The following CD22 variants were observed in gnomAD, a reference collection of about 807,000 sequenced individuals.
CD22 encodes the protein CD22 molecule, also known as B-cell receptor CD22.
Under a neutral mutation model 94.7 loss-of-function variants are expected in CD22, and 51 were observed. The observed-to-expected ratio is 0.54, with a 90% CI of 0.43 to 0.68. CD22 has a LOEUF of 0.68. Ranked by LOEUF, CD22 falls within the 30% of genes least tolerant of loss-of-function variation. CD22 has a pLI of 0.00. For missense variants in CD22, 931 were observed against 1,060.4 expected (o/e 0.88, Z 1.69); for synonymous variants, 424 against 422.5 (o/e 1.00, Z -0.04).
chr19:35,340,614 C>T (rs999546361), intron 6 of CD22, among the ~76,000 whole-genome samples: 8 of 152,204 alleles, frequency 5.3e-5, no homozygotes, highest in African/African-American at 1.9e-4. Context: ...TAAACTGAGA[C>T]CTGCAGCCCA....
chr19:35,340,917 C>T lies in CD22; in HGVS notation c.1286C>T (p.Pro429Leu), dbSNP rs144871077. The change falls in exon 7 of 14, where the codon CCC (proline) becomes CTC (leucine). Residue 429 changes from proline (P) to leucine (L), a missense_variant. Physicochemically the swap from Pro to Leu is moderately conservative, Grantham distance 98. Transcript: ENST00000085219. Reference protein sequence around the residue: ...PKKVTTVIQNPMPIREGDTVT... With the variant: ...PKKVTTVIQNLMPIREGDTVT... ...AAGGTGACCACAGTGATTCAAAACC[C>T]CATGCCGATTCGAGAAGGAGACACA... is the stretch of plus-strand genomic sequence containing the variant. The T allele has an allele frequency of 2.5e-6, 4 of 1,614,166 alleles. No homozygotes were observed. The highest frequency in any genetic ancestry group is 3.4e-6 in the Non-Finnish European group (4 of 1,180,034).
rs143539395 is a variant in CD22, at chr19:35,341,566, A to T, written c.1731A>T (p.Ile577=). ...GSYSCWVNNS[I]GQTASKAWTL... ...ACAGCTGCTGGGTGAACAACTCCAT[A>T]GGACAGACAGCGTCCAAGGCCTGGA... Residue 577 remains isoleucine (I), a synonymous_variant, in exon 8 of 14, where the codon ATA becomes ATT. Coordinates refer to ENST00000085219, the MANE Select transcript of CD22 (RefSeq NM_001771.4). This position sits in a 1 kb window ranked among gnomAD's most constrained non-coding sequence, Gnocchi z 4.0. 6.2e-7 allele frequency: 1 copy of T among 1,613,788 alleles called. No homozygotes were observed. The highest frequency in any genetic ancestry group is 1.3e-5 in the African/African-American group (1 of 75,048).
At position 35,341,343 on chromosome 19, in the gene CD22, A is replaced by T. The variant is rs1200473117; in HGVS notation, c.1508A>T (p.Tyr503Phe). The T allele has an allele frequency of 1.2e-6, 2 of 1,612,736 alleles. No individual in the cohort carries two copies. Among genetic ancestry groups the T allele is most frequent in the Non-Finnish European group, 1.7e-6 (2 of 1,179,190 alleles). The change falls in exon 8 of 14, where the codon TAT (tyrosine) becomes TTT (phenylalanine). Residue 503 changes from tyrosine (Y) to phenylalanine (F), a missense_variant and splice_region_variant. Transcript: ENST00000085219. The surrounding 1 kb of genome is among the most constrained non-coding windows in gnomAD (Gnocchi z 4.0). The stretch of plus-strand genomic sequence containing the variant: ...TCAGCTTGGGACCCTTGCCCTCCAG[A>T]TGCCCCCCGAGACGTGAGGGTCCGG... ...WASPVALNVQYAPRDVRVRKI... is the reference protein window; with the variant it reads ...WASPVALNVQFAPRDVRVRKI...
Position 35,332,911 on chromosome 19 carries a change from C to T in CD22, c.399C>T (p.His133=). Residue 133 remains histidine (H), a synonymous_variant, in exon 3 of 14, where the codon CAC becomes CAT. Coordinates refer to ENST00000085219, the MANE Select transcript of CD22 (RefSeq NM_001771.4). ...CTGAGAAATGGATGGAACGAATACA[C>T]CTCAATGTCTCTGGTAAGGCCTTCG... ...SKTEKWMERI[H]LNVSERPFPP... is the part of the protein sequence containing the mutation. 6.2e-7 allele frequency: 1 copy of T among 1,613,382 alleles called. No individual in the cohort carries two copies. The highest frequency in any genetic ancestry group is 8.5e-7 in the Non-Finnish European group (1 of 1,179,388).
intron 9 of CD22, among the ~76,000 whole-genome samples, chr19:35,344,051 C>A (rs946101408): frequency 6.6e-6 from 1 of 152,196 alleles, no homozygotes; most frequent in Non-Finnish European, 1.5e-5. Flanking sequence ...CAAAAATTAG[C>A]TGGGTGTGGT....
At chr19:35,331,990 G>T in intron 1 of CD22, 29 bp from the exon 2 acceptor site, 1 of 1,613,600 alleles carries the variant, frequency 6.2e-7, no homozygotes, top group Non-Finnish European at 8.5e-7. Flanking sequence ...GCGGCCAGAT[G>T]GCTCAAAGAC....
At position 35,341,673 on chromosome 19, in the gene CD22, C is replaced by T. The variant is rs527874832; in HGVS notation, c.1772-29C>T. ...CCAGTGGCCTGCCTGGTAGTGACTT[C>T]GCACCCCCTCCCCCTGCCCGCCATG... On this transcript the variant is annotated intron_variant, in intron 8 of 13. Coordinates refer to ENST00000085219, the MANE Select transcript of CD22 (RefSeq NM_001771.4). This position sits in a 1 kb window ranked among gnomAD's most constrained non-coding sequence, Gnocchi z 4.0. The T allele has an allele frequency of 2.8e-5, 45 of 1,605,722 alleles. No individual in the cohort carries two copies. The highest frequency in any genetic ancestry group is 2.3e-4 in the African/African-American group (17 of 74,904).
Position 35,332,261 on chromosome 19 carries a change from T to C in CD22, c.34+187T>C, listed in dbSNP as rs73601135. ...ATACACTTCTCTCATTGCATCCTGC[T>C]GTCTTTGTGTATCTCTGTATTTCTC... On this transcript the variant is annotated intron_variant, in intron 2 of 13. Coordinates refer to ENST00000085219, the MANE Select transcript of CD22 (RefSeq NM_001771.4). 3,659 of 658,962 alleles carry C rather than the reference T, an allele frequency of 5.6e-3. 85 individuals carry two copies. In the African/African-American group the frequency reaches 0.059, roughly 11 times the overall value. The allele number at this position is 658,962 out of a possible 1,614,324, so 40.8% of individuals were successfully genotyped here.
At chr19:35,344,519 C>G (rs1373515827) in intron 9 of CD22, among the ~76,000 whole-genome samples, 1 of 152,252 alleles carries the variant, frequency 6.6e-6, no homozygotes, top group Non-Finnish European at 1.5e-5. Context: ...GACAGGTGCA[C>G]TTTCAGAGCT....
chr19:35,344,988 T>C (rs1253927909), intron 10 of CD22, 63 bp downstream of exon 10: 1 of 1,600,184 alleles, frequency 6.2e-7, no homozygotes, highest in Admixed American at 1.7e-5. Context: ...GTCCAGTTGC[T>C]CCATCTCGAA....
chr19:35,338,574 A>C, intron 6 of CD22, 143 bp downstream of exon 6: 1 of 785,894 alleles, frequency 1.3e-6, no homozygotes, highest in Non-Finnish European at 2.0e-6. Flanking sequence ...CTGCTGTCTC[A>C]GCTCCTAGCA....
At chr19:35,338,829 C>T (rs1414680468) in intron 6 of CD22, among the ~76,000 whole-genome samples, 3 of 152,002 alleles carry the variant, frequency 2.0e-5, no homozygotes, top group Admixed American at 2.0e-4. Context: ...CGGGGTTTCA[C>T]CGTGTTAGCC....
chr19:35,335,624 G>C (rs2066711432), intron 3 of CD22, among the ~76,000 whole-genome samples: 1 of 151,802 alleles, frequency 6.6e-6, no homozygotes, highest in Admixed American at 6.6e-5. Context: ...AGGCCAAGGC[G>C]GGAGGATCAC....
rs1332371667 is a variant in CD22 at position 35,346,146 on chromosome 19, C to A, written c.2328-5C>A. On this transcript the variant is annotated splice_region_variant and splice_polypyrimidine_tract_variant and intron_variant, in intron 12 of 13. Coordinates refer to ENST00000085219, the MANE Select transcript of CD22 (RefSeq NM_001771.4). ...GCGTGGTCGTCTATCTGCCCTGTCT[C>A]TCAGAGATGCAGAGTCCTCAGAGAT... 6.2e-7 allele frequency: 1 copy of A among 1,611,332 alleles called. No homozygotes were observed. Among genetic ancestry groups the A allele is most frequent in the Non-Finnish European group, 8.5e-7 (1 of 1,177,734 alleles).
Position 35,336,130 on chromosome 19 carries a change from G to C in CD22, c.507G>C (p.Gly169=), listed in dbSNP as rs574670714. 9 of 1,613,980 alleles carry C rather than the reference G, an allele frequency of 5.6e-6. No homozygotes were observed. The highest frequency in any genetic ancestry group is 7.6e-6 in the Non-Finnish European group (9 of 1,180,020). ...GCTTGCTGAATTTCTCCTGCTATGG[G>C]TATCCGATCCAATTGCAGTGGCTCC... ...LTCLLNFSCY[G]YPIQLQWLLE... Residue 169 remains glycine (G), a synonymous_variant, in exon 4 of 14, where the codon GGG becomes GGC. Coordinates refer to ENST00000085219, the MANE Select transcript of CD22 (RefSeq NM_001771.4).
In CD22 at chr19:35,346,866, A is replaced by G; in HGVS notation, c.*169A>G. 1 of 700,854 alleles carries G rather than the reference A, an allele frequency of 1.4e-6. No individual in the cohort carries two copies. Among genetic ancestry groups the G allele is most frequent in the Non-Finnish European group, 2.3e-6 (1 of 440,640 alleles). 43.4% of individuals were successfully genotyped at this position (700,854 alleles called of 1,614,324 possible). A position where few individuals can be genotyped will look rare whatever the true frequency, so the allele number is the denominator to read the frequency against. ...CTGCGGAGAACCTTGTGCCTGGCTC[A>G]GAGCCAGTCTTTTTGGTGAGGGTAA... On this transcript the variant is annotated 3_prime_UTR_variant, in exon 14 of 14. Transcript: ENST00000085219.
At position 35,342,007 on chromosome 19, in the gene CD22, G is replaced by GTCCGTCCT. The variant is rs1555769982; in HGVS notation, c.2035+45_2035+46insGTCCTTCC. 7 of 1,028,952 alleles carry GTCCGTCCT rather than the reference G, an allele frequency of 6.8e-6. No individual in the cohort carries two copies. In the East Asian group the frequency reaches 1.3e-4, roughly 19 times the overall value. The allele number at this position is 1,028,952 out of a possible 1,614,324, so 63.7% of individuals were successfully genotyped here. On this transcript the variant is annotated intron_variant, in intron 9 of 13. Coordinates refer to ENST00000085219, the MANE Select transcript of CD22 (RefSeq NM_001771.4). ...CTCTTGTTCTTCTTGGTGGTGGTCA[G>GTCCGTCCT]TCCTTCCTTCCTTCCTTCCTTCCTT...
chr19:35,332,022 T>C lies in CD22; in HGVS notation c.-19T>C. On this transcript the variant is annotated 5_prime_UTR_variant, in exon 2 of 14. Transcript: ENST00000085219. ...AGACAAACTCTCCCCTGCTCAGGCT[T>C]GCACCCAGACACGACACCATGCATC... 1 of 1,613,722 alleles carries C rather than the reference T, an allele frequency of 6.2e-7. No individual in the cohort carries two copies. The highest frequency in any genetic ancestry group is 1.1e-5 in the South Asian group (1 of 91,082).
chr19:35,334,806 C>T (rs1412525643), intron 3 of CD22, among the ~76,000 whole-genome samples: 5 of 151,506 alleles, frequency 3.3e-5, no homozygotes, highest in African/African-American at 9.7e-5. Context: ...AGGCCGGGCA[C>T]GGTGGCTCAC....
Sources: allele counts gnomAD v4.1 joint callset (sites outside exome capture counted in the v4.1 genomes callset), GRCh38; gene constraint gnomAD v4.1.1; non-coding constraint Gnocchi (gnomAD v3.1); transcripts MANE v1.5; gene names NCBI Gene and HGNC (gene_info 2026-07-23, HGNC 2026-07-21).